FHIT: variants seen among roughly 807,000 people sequenced by gnomAD.
FHIT encodes the protein fragile histidine triad diadenosine triphosphatase.
A neutral mutation model predicts 17.9 loss-of-function variants in FHIT; 19 were observed. The ratio of observed to expected loss-of-function variants is 1.06; its 90% CI spans 0.74 to 1.56. The LOEUF (loss-of-function observed/expected upper bound fraction) is 1.56, where lower values mean the gene tolerates loss of function less well. Among genes scored for constraint, FHIT ranks in the 40% most tolerant of loss-of-function variants. The pLI is 0.00. For synonymous variants in FHIT, 81 were observed against 69.7 expected, an observed-to-expected ratio of 1.16 and a Z score of -0.81; for missense variants, 248 against 189.2, an observed-to-expected ratio of 1.31 and a Z score of -1.82.
intron 2 of FHIT, among the ~76,000 whole-genome samples, chr3:61,082,228 A>G (rs1185575092): frequency 6.6e-6 from 1 of 152,200 alleles, no homozygotes; most frequent in Non-Finnish European, 1.5e-5. Context: ...AGCACATTTC[A>G]TATCCCTTCC....
chr3:60,762,317 T>A (rs1553720221), intron 4 of FHIT, among the ~76,000 whole-genome samples: 4 of 152,200 alleles, frequency 2.6e-5, no homozygotes, highest in African/African-American at 9.6e-5. Flanking sequence ...TCAATAAGAA[T>A]TTGATAGGCA....
At chr3:60,797,507 A>T (rs2108135458) in intron 4 of FHIT, among the ~76,000 whole-genome samples, 1 of 145,152 alleles carries the variant, frequency 6.9e-6, no homozygotes, top group Non-Finnish European at 1.5e-5. Context: ...TTAGTGCTGA[A>T]TACCGTATCT....
At chr3:60,116,108 T>C (rs1016448) in intron 5 of FHIT, among the ~76,000 whole-genome samples, 137,203 of 152,086 alleles carry the variant, frequency 0.9, 61,931 homozygotes, top group Non-Finnish European at 0.93. Flanking sequence ...AACTATAGAC[T>C]AGTGTACTAT....
chr3:60,553,483 A>C, intron 4 of FHIT: 1 of 248,182 alleles, frequency 4.0e-6, no homozygotes, highest in Non-Finnish European at 6.0e-6. Flanking sequence ...TATATATAAA[A>C]ATTATATATA....
chr3:60,070,294 C>T (rs962413547), intron 5 of FHIT, among the ~76,000 whole-genome samples: 18 of 152,192 alleles, frequency 1.2e-4, no homozygotes, highest in African/African-American at 4.3e-4. Context: ...ATGTCTGTCT[C>T]TACATCACCA....
At chr3:60,646,935 A>C (rs1334633432) in intron 4 of FHIT, among the ~76,000 whole-genome samples, 1 of 152,220 alleles carries the variant, frequency 6.6e-6, no homozygotes, top group Non-Finnish European at 1.5e-5. Context: ...CAATGCTATC[A>C]TTCAGCAATC....
At chr3:60,934,228 G>A (rs1463686304) in intron 3 of FHIT, among the ~76,000 whole-genome samples, 3 of 152,020 alleles carry the variant, frequency 2.0e-5, no homozygotes, top group African/African-American at 7.3e-5. Context: ...CCTGAAAAGA[G>A]GGAAATTCAT....
intron 3 of FHIT, among the ~76,000 whole-genome samples, chr3:60,967,030 T>C (rs1709780321): frequency 6.6e-6 from 1 of 152,228 alleles, no homozygotes. Context: ...TTATGCCTCA[T>C]GGAATAGAGA....
intron 5 of FHIT, among the ~76,000 whole-genome samples, chr3:60,356,762 A>AAC (rs1559848376): frequency 2.8e-5 from 2 of 72,288 alleles, no homozygotes; most frequent in Non-Finnish European, 6.3e-5. Context: ...ACAAAAAAAA[A>AAC]AAAAAAAAAA....
chr3:60,809,156 G>C (rs1304768356), intron 4 of FHIT, among the ~76,000 whole-genome samples: 1 of 152,008 alleles, frequency 6.6e-6, no homozygotes, highest in Non-Finnish European at 1.5e-5. Flanking sequence ...ATTACATTTA[G>C]TAATTAATCA....
At chr3:60,500,771 T>TTAAAAAAAAAAAAAAA (rs751877681) in intron 5 of FHIT, among the ~76,000 whole-genome samples, 2 of 64,864 alleles carry the variant, frequency 3.1e-5, no homozygotes, top group African/African-American at 1.2e-4. Context: ...AGCATCCATC[T>TTAAAAAAAAAAAAAAA]AAAAAAAAAA....
intron 8 of FHIT, among the ~76,000 whole-genome samples, chr3:59,812,773 C>G (rs1700453855): frequency 6.6e-6 from 1 of 152,152 alleles, no homozygotes; most frequent in African/African-American, 2.4e-5. Flanking sequence ...TGCATCTACC[C>G]TCAAATGTTA....
chr3:60,138,313 T>A (rs1482722895), intron 5 of FHIT, among the ~76,000 whole-genome samples: 1 of 152,060 alleles, frequency 6.6e-6, no homozygotes, highest in African/African-American at 2.4e-5. Context: ...CAAAGAGAGT[T>A]TGGAGTTATT....
At chr3:60,604,540 A>G (rs2107719005) in intron 4 of FHIT, among the ~76,000 whole-genome samples, 1 of 152,338 alleles carries the variant, frequency 6.6e-6, no homozygotes, top group East Asian at 1.9e-4. Context: ...CTGAAATAAC[A>G]TACTCAAGAA....
At chr3:60,938,610 G>T (rs1276989262) in intron 3 of FHIT, among the ~76,000 whole-genome samples, 1 of 152,188 alleles carries the variant, frequency 6.6e-6, no homozygotes, top group Non-Finnish European at 1.5e-5. Flanking sequence ...TAAGGAATCT[G>T]AACAAGAGGA....
intron 8 of FHIT, among the ~76,000 whole-genome samples, chr3:59,802,823 A>G (rs557641249): frequency 6.6e-6 from 1 of 152,314 alleles, no homozygotes; most frequent in Admixed American, 6.5e-5. Context: ...AATCCTAGGG[A>G]GAGAGAATGG....
intron 5 of FHIT, among the ~76,000 whole-genome samples, chr3:60,463,497 T>C (rs1291748802): frequency 6.6e-6 from 1 of 152,174 alleles, no homozygotes; most frequent in Non-Finnish European, 1.5e-5. Context: ...AGTGACTAAA[T>C]ATACACATTA....
At chr3:61,212,674 A>C (rs1409598982) in intron 1 of FHIT, among the ~76,000 whole-genome samples, 1 of 152,206 alleles carries the variant, frequency 6.6e-6, no homozygotes, top group East Asian at 1.9e-4. Flanking sequence ...ACTCCTCGAG[A>C]AGGGCAACTC....
chr3:60,180,953 G>C (rs78831144), intron 5 of FHIT, among the ~76,000 whole-genome samples: 1 of 151,806 alleles, frequency 6.6e-6, no homozygotes, highest in African/African-American at 2.4e-5. Context: ...TGATAATCTG[G>C]ATATTTTTAA....
Sources: gnomAD v4.1 joint callset for allele counts (sites outside exome capture counted in the v4.1 genomes callset) on GRCh38, gnomAD v4.1.1 for gene constraint, MANE v1.5 for transcripts, NCBI Gene and HGNC (gene_info 2026-07-23, HGNC 2026-07-21) for gene names.